The following PCDHGB1 variants were observed in gnomAD, a reference collection of about 807,000 sequenced individuals.
PCDHGB1 encodes protocadherin gamma subfamily B, 1.
A neutral mutation model predicts 56.6 loss-of-function variants in PCDHGB1; 34 were observed. The ratio of observed to expected loss-of-function variants is 0.60; its 90% CI spans 0.46 to 0.80. The LOEUF is 0.80. Ranked by LOEUF, PCDHGB1 falls within the 30% of genes least tolerant of loss-of-function variation. The pLI, the probability that PCDHGB1 is intolerant of heterozygous loss-of-function variation, is 0.00. For missense variants in PCDHGB1, 1,278 were observed against 1,204.6 expected (o/e 1.06, Z -0.90); for synonymous variants, 561 against 505.9 (o/e 1.11, Z -1.46).
rs762662380 is a variant in PCDHGB1, at chr5:141,419,561, G to A, written c.2409+66892G>A. 9 of 1,611,728 alleles carry A rather than the reference G, an allele frequency of 5.6e-6. No individual in the cohort carries two copies. The Admixed American group carries it at 1.2e-4, about 21-fold the overall frequency. The stretch of plus-strand genomic sequence containing the variant: ...ACCGCGGGTGCTGTACCCTGCGCTG[G>A]GTCCCGACGGCTCCGCGCTCTTCGA... On this transcript the variant is annotated intron_variant, in intron 1 of 3. Coordinates refer to ENST00000523390, the MANE Select transcript of PCDHGB1 (RefSeq NM_018922.3).
chr5:141,461,639 C>T (rs1041604977), intron 1 of PCDHGB1, among the ~76,000 whole-genome samples: 12 of 152,088 alleles, frequency 7.9e-5, no homozygotes, highest in Non-Finnish European at 1.6e-4. Flanking sequence ...GCAATTTCTT[C>T]TTTGACCCAT....
At chr5:141,442,466 A>T (rs1270035223) in intron 1 of PCDHGB1, 1 of 152,254 alleles carries the variant, frequency 6.6e-6, no homozygotes, top group African/African-American at 2.4e-5. Flanking sequence ...TTCACTGCAG[A>T]AAGCCCCTTG....
chr5:141,371,814 G>C (rs1020682392), intron 1 of PCDHGB1: 4 of 1,613,892 alleles, frequency 2.5e-6, no homozygotes, highest in Middle Eastern at 1.6e-4. Context: ...CATTGCGCAT[G>C]TCAGAGCCTC....
chr5:141,428,156 C>G, intron 1 of PCDHGB1: 2 of 1,579,884 alleles, frequency 1.3e-6, no homozygotes, highest in Non-Finnish European at 1.7e-6. Flanking sequence ...CGGGAACCTG[C>G]TGGTTGCTGT....
chr5:141,398,882 G>A, intron 1 of PCDHGB1: 1 of 1,613,930 alleles, frequency 6.2e-7, no homozygotes, highest in Non-Finnish European at 8.5e-7. Context: ...GTCAGCCTTC[G>A]GGAAAACGTG....
At chr5:141,359,129 T>C (rs796480856) in intron 1 of PCDHGB1, among the ~76,000 whole-genome samples, 1 of 152,294 alleles carries the variant, frequency 6.6e-6, no homozygotes, top group African/African-American at 2.4e-5. Context: ...GTGCAATACA[T>C]AGAGTAAGCT....
intron 1 of PCDHGB1, among the ~76,000 whole-genome samples, chr5:141,438,587 CAT>C (rs1372372472): frequency 3.8e-4 from 28 of 73,432 alleles, no homozygotes; most frequent in African/African-American, 1.4e-3. Flanking sequence ...TACATACATA[CAT>C]ACATATATAT....
rs1163353349 is a variant in PCDHGB1, at chr5:141,489,426, G to C, written c.2410-5381G>C. 6.2e-7 allele frequency: 1 copy of C among 1,614,012 alleles called. No homozygotes were observed. The highest frequency in any genetic ancestry group is 1.3e-5 in the African/African-American group (1 of 74,922). ...TAAAGATGACAGATCTGTTGAGCCGGCGGCTGCAATTGGGCTCTGAGGAGA... is the reference window on the plus strand; with the variant it reads ...TAAAGATGACAGATCTGTTGAGCCGCCGGCTGCAATTGGGCTCTGAGGAGA... On this transcript the variant is annotated intron_variant, in intron 1 of 3. Transcript: ENST00000523390. The surrounding 1 kb of genome is among the most constrained non-coding windows in gnomAD (Gnocchi z 4.5).
At chr5:141,474,016 G>A (rs1286684019) in intron 1 of PCDHGB1, among the ~76,000 whole-genome samples, 1 of 152,128 alleles carries the variant, frequency 6.6e-6, no homozygotes, top group Non-Finnish European at 1.5e-5. Context: ...GTTACAGTGA[G>A]CTATGATTAT....
chr5:141,360,622 G>A (rs1761678618), intron 1 of PCDHGB1: 3 of 1,613,988 alleles, frequency 1.9e-6, no homozygotes, highest in Non-Finnish European at 2.5e-6. Context: ...TTCAGATGTT[G>A]GTCCTAACTC....
At chr5:141,430,947 G>T (rs1169662602) in intron 1 of PCDHGB1, 1 of 1,610,002 alleles carries the variant, frequency 6.2e-7, no homozygotes, top group Non-Finnish European at 8.5e-7. Flanking sequence ...GCGGAGCGCG[G>T]AGTCCGCATC....
Position 141,351,433 on chromosome 5 carries a change from A to G in PCDHGB1, c.1173A>G (p.Glu391=). Reference sequence around the variant, plus strand: ...AGGAAGAAGTTCCTTTCAAATTAGAATCCACCTCGAAGAATTATTACAAGC... The same window carrying G: ...AGGAAGAAGTTCCTTTCAAATTAGAGTCCACCTCGAAGAATTATTACAAGC... ...YTQEEVPFKL[E]STSKNYYKLV... Residue 391 remains glutamate (E), a synonymous_variant, in exon 1 of 4, where the codon GAA becomes GAG. Transcript: ENST00000523390. The G allele has an allele frequency of 6.2e-7, 1 of 1,612,116 alleles. No homozygotes were observed. The highest frequency in any genetic ancestry group is 8.5e-7 in the Non-Finnish European group (1 of 1,178,916).
intron 1 of PCDHGB1, chr5:141,428,251 T>C (rs761574102): frequency 1.1e-5 from 10 of 893,496 alleles, no homozygotes; most frequent in Middle Eastern, 2.1e-4. Flanking sequence ...ACTGCCAGAC[T>C]TCAGTGACAG....
At chr5:141,423,095 A>G (rs2096708889) in intron 1 of PCDHGB1, 3 of 1,613,978 alleles carry the variant, frequency 1.9e-6, no homozygotes, top group Non-Finnish European at 2.5e-6. Flanking sequence ...GTGGGGGAGC[A>G]CACGGGCGAG....
intron 1 of PCDHGB1, chr5:141,371,943 C>T: frequency 6.2e-7 from 1 of 1,613,302 alleles, no homozygotes; most frequent in Non-Finnish European, 8.5e-7. Context: ...GGTGTTCGCG[C>T]AGCGAGCCTT....
chr5:141,439,470 T>C (rs1357441747), intron 1 of PCDHGB1, among the ~76,000 whole-genome samples: 1 of 152,220 alleles, frequency 6.6e-6, no homozygotes, highest in African/African-American at 2.4e-5. Flanking sequence ...CTGCTGCCTT[T>C]CAGCTTGCAA....
At chr5:141,399,398 G>T (rs1374441258) in intron 1 of PCDHGB1, 4 of 1,613,854 alleles carry the variant, frequency 2.5e-6, no homozygotes, top group Non-Finnish European at 3.4e-6. Flanking sequence ...ACAGACAGGG[G>T]CAAGCCGCCC....
chr5:141,357,115 A>C, intron 1 of PCDHGB1: 3 of 1,613,802 alleles, frequency 1.9e-6, no homozygotes, highest in Non-Finnish European at 2.5e-6. Context: ...AGACGCGCTC[A>C]AGCAGAGGCT....
At position 141,486,653 on chromosome 5, in the gene PCDHGB1, C is replaced by A; in HGVS notation, c.2410-8154C>A. 1 of 1,613,968 alleles carries A rather than the reference C, an allele frequency of 6.2e-7. No homozygotes were observed. Among genetic ancestry groups the A allele is most frequent in the Non-Finnish European group, 8.5e-7 (1 of 1,180,034 alleles). On this transcript the variant is annotated intron_variant, in intron 1 of 3. Coordinates refer to ENST00000523390, the MANE Select transcript of PCDHGB1 (RefSeq NM_018922.3). This position sits in a 1 kb window ranked among gnomAD's most constrained non-coding sequence, Gnocchi z 5.0. ...CTTGAATGCGCTTATCTCCTACTCA[C>A]TCCTGGAGCCCAGGAATCGAGATGT... is the stretch of plus-strand genomic sequence containing the variant.
Sources: allele counts gnomAD v4.1 joint callset (sites outside exome capture counted in the v4.1 genomes callset), GRCh38; gene constraint gnomAD v4.1.1; non-coding constraint Gnocchi (gnomAD v3.1); transcripts MANE v1.5; gene names NCBI Gene and HGNC (gene_info 2026-07-23, HGNC 2026-07-21).